Variants in GUCY1A1 observed in about 807,000 individuals in gnomAD.
GUCY1A1 encodes guanylate cyclase soluble subunit alpha-1.
Under a neutral mutation model 64.5 loss-of-function variants are expected in GUCY1A1, and 48 were observed. The ratio of observed to expected loss-of-function variants is 0.74; its 90% CI spans 0.59 to 0.95. The LOEUF (loss-of-function observed/expected upper bound fraction) is 0.95. GUCY1A1 is among the 40% of genes least tolerant of loss of function. GUCY1A1 has a pLI of 0.00. For missense variants in GUCY1A1, 804 were observed against 825.3 expected, an observed-to-expected ratio of 0.97 and a Z score of 0.32; for synonymous variants, 308 against 303.4, an observed-to-expected ratio of 1.02 and a Z score of -0.16.
intron 2 of GUCY1A1, among the ~76,000 whole-genome samples, chr4:155,687,800 G>T (rs540326374): frequency 6.6e-6 from 1 of 152,054 alleles, no homozygotes; most frequent in Admixed American, 6.6e-5. Flanking sequence ...TAACTGCTAC[G>T]CCAACTCCAC....
At chr4:155,707,529 T>C (rs1731939402) in intron 4 of GUCY1A1, among the ~76,000 whole-genome samples, 1 of 151,800 alleles carries the variant, frequency 6.6e-6, no homozygotes, top group East Asian at 1.9e-4. Context: ...ACCTGTAGCA[T>C]GGGAGAAAAT....
At chr4:155,667,096 G>C (rs556383259) in intron 1 of GUCY1A1, 131 bp downstream of exon 1, 1 of 152,174 alleles carries the variant, frequency 6.6e-6, no homozygotes, top group East Asian at 1.9e-4. Context: ...GATCAAAGAG[G>C]GAGACACAGA....
At chr4:155,667,130 G>C (rs905435437) in intron 1 of GUCY1A1, 165 bp downstream of exon 1, 3 of 152,432 alleles carry the variant, frequency 2.0e-5, no homozygotes, top group Non-Finnish European at 2.9e-5. Flanking sequence ...AGGCAAGGAG[G>C]ACTGTCTGGG....
chr4:155,706,139 T>C (rs961837802), intron 4 of GUCY1A1, among the ~76,000 whole-genome samples: 1 of 152,220 alleles, frequency 6.6e-6, no homozygotes, highest in Non-Finnish European at 1.5e-5. Context: ...AATTATTTTT[T>C]TGAAATTTTG....
intron 2 of GUCY1A1, among the ~76,000 whole-genome samples, chr4:155,681,448 C>T (rs1038206838): frequency 1.3e-5 from 2 of 152,184 alleles, no homozygotes; most frequent in African/African-American, 4.8e-5. Flanking sequence ...TACTCAGTTA[C>T]AGTGTAGTAC....
At chr4:155,692,360 G>T (rs926307531) in intron 2 of GUCY1A1, among the ~76,000 whole-genome samples, 2 of 151,970 alleles carry the variant, frequency 1.3e-5, no homozygotes, top group Non-Finnish European at 2.9e-5. Context: ...GGTCTTTGAG[G>T]AATTGCCACA....
At chr4:155,715,341 G>A (rs528785368) in intron 7 of GUCY1A1, among the ~76,000 whole-genome samples, 68 of 152,118 alleles carry the variant, frequency 4.5e-4, no homozygotes, top group African/African-American at 1.6e-3. Context: ...TTATACTAGG[G>A]CTTTATTTAA....
intron 2 of GUCY1A1, among the ~76,000 whole-genome samples, chr4:155,683,649 G>T (rs1036026878): frequency 6.6e-6 from 1 of 152,190 alleles, no homozygotes; most frequent in African/African-American, 2.4e-5. Context: ...TGCAAAAGAA[G>T]ATGAGAAAAT....
chr4:155,718,655 G>C (rs1369837227), intron 8 of GUCY1A1, among the ~76,000 whole-genome samples: 2 of 152,100 alleles, frequency 1.3e-5, no homozygotes, highest in Admixed American at 1.3e-4. Flanking sequence ...CTGAAAGGTT[G>C]GGTTCAGCTG....
chr4:155,691,546 A>T (rs184314809), intron 2 of GUCY1A1, among the ~76,000 whole-genome samples: 188 of 152,318 alleles, frequency 1.2e-3, no homozygotes, highest in African/African-American at 4.2e-3. Context: ...GTACTGAAGT[A>T]TACAAACTTT....
intron 2 of GUCY1A1, among the ~76,000 whole-genome samples, chr4:155,683,215 A>G (rs953800257): frequency 1.3e-5 from 2 of 152,218 alleles, no homozygotes; most frequent in Non-Finnish European, 2.9e-5. Flanking sequence ...TTCTGAAAAA[A>G]GTTGAAAAAC....
chr4:155,709,717 C>A (rs1732294086), intron 5 of GUCY1A1, among the ~76,000 whole-genome samples: 1 of 151,984 alleles, frequency 6.6e-6, no homozygotes, highest in African/African-American at 2.4e-5. Flanking sequence ...ACCTGTAGTC[C>A]CAGCTACTCT....
chr4:155,707,265 G>A (rs940220279), intron 4 of GUCY1A1, among the ~76,000 whole-genome samples: 2 of 152,140 alleles, frequency 1.3e-5, no homozygotes, highest in African/African-American at 4.8e-5. Context: ...GTGGAGTTAC[G>A]TCCAGATAAA....
intron 2 of GUCY1A1, among the ~76,000 whole-genome samples, chr4:155,688,516 A>G (rs906886782): frequency 9.9e-5 from 15 of 152,168 alleles, no homozygotes; most frequent in Admixed American, 9.2e-4. Flanking sequence ...TCATCAGATT[A>G]TTTTACCTAA....
intron 3 of GUCY1A1, among the ~76,000 whole-genome samples, chr4:155,702,229 C>G (rs1268095362): frequency 6.6e-6 from 1 of 152,168 alleles, no homozygotes; most frequent in South Asian, 2.1e-4. Context: ...ACAAAGGCAG[C>G]AACCCTTATT....
chr4:155,684,674 A>G (rs1161847362), intron 2 of GUCY1A1, among the ~76,000 whole-genome samples: 1 of 152,144 alleles, frequency 6.6e-6, no homozygotes, highest in African/African-American at 2.4e-5. Context: ...TGAGAAACGT[A>G]CTTTGCCAAA....
chr4:155,691,845 G>C (rs549237611), intron 2 of GUCY1A1, among the ~76,000 whole-genome samples: 18 of 152,174 alleles, frequency 1.2e-4, no homozygotes, highest in African/African-American at 4.1e-4. Flanking sequence ...TGTTACATAA[G>C]TAAACTTGTG....
chr4:155,668,246 C>G (rs1039914847), intron 2 of GUCY1A1: 2 of 152,324 alleles, frequency 1.3e-5, no homozygotes, highest in African/African-American at 4.8e-5. Flanking sequence ...GTGCGTCTTT[C>G]TCTGCTCACT....
At position 155,696,879 on chromosome 4, in the gene GUCY1A1, G is replaced by A. The variant is rs369563014; in HGVS notation, c.12G>A (p.Thr4=). ...GAGACACCAACACCATGTTCTGCACGAAGCTCAAGGATCTCAAGATCACAG... is the reference window on the plus strand; with the variant it reads ...GAGACACCAACACCATGTTCTGCACAAAGCTCAAGGATCTCAAGATCACAG... MFC[T]KLKDLKITGE... The change falls in exon 3 of 10, where the codon ACG becomes ACA. Residue 4 remains threonine (T), a synonymous_variant. Transcript: ENST00000506455. 70 of 1,613,546 alleles carry A rather than the reference G, an allele frequency of 4.3e-5. No individual in the cohort carries two copies. The African/African-American group carries it at 8.4e-4, about 19-fold the overall frequency.
Sources: allele counts gnomAD v4.1 joint callset (sites outside exome capture counted in the v4.1 genomes callset), GRCh38; gene constraint gnomAD v4.1.1; transcripts MANE v1.5; gene names NCBI Gene and HGNC (gene_info 2026-07-23, HGNC 2026-07-21).